Variants in FRK observed in about 807,000 individuals in gnomAD.
FRK encodes tyrosine-protein kinase FRK.
In FRK, 51 loss-of-function variants were observed where a neutral mutation model predicts 56.4. That is an observed-to-expected ratio of 0.90 (90% CI 0.72 to 1.14). The LOEUF (loss-of-function observed/expected upper bound fraction) is 1.14. Ranked by LOEUF, FRK falls within the 50% of genes most tolerant of loss-of-function variation. FRK has a pLI of 0.00. For missense variants in FRK, 570 were observed against 601.4 expected (o/e 0.95, Z 0.55); for synonymous variants, 245 against 217.9 (o/e 1.12, Z -1.10).
intron 1 of FRK, among the ~76,000 whole-genome samples, chr6:116,058,420 T>G (rs945318757): frequency 6.6e-6 from 1 of 152,174 alleles, no homozygotes; most frequent in Non-Finnish European, 1.5e-5. Context: ...GAAAAGAATC[T>G]CAAAACTCAA....
the FRK span, among the ~76,000 whole-genome samples, chr6:116,066,435 G>A: frequency 3.5e-5 from 5 of 142,916 alleles, no homozygotes; most frequent in Admixed American, 1.5e-4. Context: ...ATATATATAT[G>A]TGTGTGTGTG....
At chr6:116,024,274 T>C (rs1269213902) in intron 1 of FRK, among the ~76,000 whole-genome samples, 6 of 151,980 alleles carry the variant, frequency 3.9e-5, no homozygotes. Context: ...TTTTAATTAT[T>C]ATTATTATAC....
intron 2 of FRK, among the ~76,000 whole-genome samples, chr6:115,994,544 A>C (rs1197282060): frequency 6.6e-6 from 1 of 152,110 alleles, no homozygotes; most frequent in Non-Finnish European, 1.5e-5. Context: ...CCAGAAAAAG[A>C]GTGGATCTTC....
intron 1 of FRK, among the ~76,000 whole-genome samples, chr6:116,010,214 G>C (rs1007506474): frequency 7.0e-6 from 1 of 142,782 alleles, no homozygotes; most frequent in Non-Finnish European, 1.5e-5. Flanking sequence ...ATTCTGTCTC[G>C]AAAAAAAAAA....
intron 1 of FRK, among the ~76,000 whole-genome samples, chr6:116,054,555 A>C (rs1483682113): frequency 6.8e-6 from 1 of 146,200 alleles, no homozygotes; most frequent in Non-Finnish European, 1.5e-5. Flanking sequence ...GTATAATACT[A>C]TATTTTATAA....
intron 2 of FRK, among the ~76,000 whole-genome samples, chr6:115,976,817 T>C (rs1774007777): frequency 6.6e-6 from 1 of 152,128 alleles, no homozygotes; most frequent in Non-Finnish European, 1.5e-5. Flanking sequence ...TCACAAAGGA[T>C]GATAGATATT....
intron 1 of FRK, among the ~76,000 whole-genome samples, chr6:116,005,168 C>T (rs775321297): frequency 2.0e-5 from 3 of 152,100 alleles, no homozygotes; most frequent in Non-Finnish European, 4.4e-5. Context: ...GCAGGGTGTT[C>T]GTTTATCATT....
rs551148363 is a variant in FRK, at chr6:115,938,915, C to G, written c.*3499G>C. 4 of 152,070 alleles carry G rather than the reference C, an allele frequency of 2.6e-5. No homozygotes were observed. Among genetic ancestry groups the G allele is most frequent in the East Asian group, 1.9e-4 (1 of 5,158 alleles). The allele number at this position is 152,070 out of a possible 1,614,324, so 9.4% of individuals were successfully genotyped here. A position where few individuals can be genotyped will look rare whatever the true frequency, so the allele number is the denominator to read the frequency against. On this transcript the variant is annotated 3_prime_UTR_variant, in exon 8 of 8. Coordinates refer to ENST00000606080, the MANE Select transcript of FRK (RefSeq NM_002031.3). Reference sequence around the variant, plus strand: ...GGTACAAAGAGGTACAAAGCTAGTACTATTCTTTCTGAAACTATTCCAAAC... The same window carrying G: ...GGTACAAAGAGGTACAAAGCTAGTAGTATTCTTTCTGAAACTATTCCAAAC...
intron 1 of FRK, among the ~76,000 whole-genome samples, chr6:116,016,547 G>A (rs1775661967): frequency 1.3e-5 from 2 of 151,966 alleles, no homozygotes; most frequent in African/African-American, 4.8e-5. Context: ...GTGGATGGAT[G>A]TGTGTGTGTG....
intron 1 of FRK, among the ~76,000 whole-genome samples, chr6:116,033,303 A>G (rs988019096): frequency 6.6e-6 from 1 of 152,170 alleles, no homozygotes; most frequent in East Asian, 1.9e-4. Context: ...CAATATCCTC[A>G]GGATAAATGT....
intron 1 of FRK, among the ~76,000 whole-genome samples, chr6:116,024,279 T>C (rs1205698353): frequency 6.6e-6 from 1 of 152,124 alleles, no homozygotes; most frequent in East Asian, 1.9e-4. Context: ...ATTATTATTA[T>C]TATACTTTAA....
intron 5 of FRK, among the ~76,000 whole-genome samples, chr6:115,952,317 A>G (rs1026981260): frequency 5.3e-5 from 8 of 152,120 alleles, no homozygotes; most frequent in African/African-American, 1.9e-4. Context: ...TTAGGTCTAA[A>G]AAAATGCGCA....
chr6:115,999,830 G>A (rs1164095455), intron 2 of FRK, among the ~76,000 whole-genome samples: 1 of 152,080 alleles, frequency 6.6e-6, no homozygotes, highest in Non-Finnish European at 1.5e-5. Context: ...TTTTTCTCCT[G>A]TATAGCCTTC....
chr6:116,039,316 T>A, intron 1 of FRK: 1 of 1,427,518 alleles, frequency 7.0e-7, no homozygotes, highest in East Asian at 2.3e-5. Context: ...CGAGAAGTTC[T>A]GAGAATGGTG....
chr6:116,030,895 AG>A (rs1216937005), intron 1 of FRK, among the ~76,000 whole-genome samples: 2 of 152,154 alleles, frequency 1.3e-5, no homozygotes, highest in African/African-American at 4.8e-5. Context: ...TGGTATCTGC[AG>A]TAGAGGACAC....
At chr6:116,070,126 C>A in the FRK span, among the ~76,000 whole-genome samples, 1 of 146,262 alleles carries the variant, frequency 6.8e-6, no homozygotes. Flanking sequence ...AGGAAACAGC[C>A]CATTATTTAA....
intron 1 of FRK, among the ~76,000 whole-genome samples, chr6:116,035,605 A>C (rs75817697): frequency 0.014 from 2,099 of 152,230 alleles, 41 homozygotes; most frequent in African/African-American, 0.048. Flanking sequence ...TTTGGATTAA[A>C]TATAACCAAT....
At chr6:116,049,377 G>A (rs1416841420) in intron 1 of FRK, among the ~76,000 whole-genome samples, 1 of 152,158 alleles carries the variant, frequency 6.6e-6, no homozygotes, top group African/African-American at 2.4e-5. Flanking sequence ...AGCTTGGTAA[G>A]CATTGAGTAA....
At position 115,932,193 on chromosome 6, in the gene FRK, T is replaced by C. The variant is rs552328860; in HGVS notation, c.*10221A>G. On this transcript the variant is annotated 3_prime_UTR_variant, in exon 8 of 8. Transcript: ENST00000606080. The stretch of plus-strand genomic sequence containing the variant: ...TTATATACTACTTTGTTCTCCAGTA[T>C]ATTTCTAAATTTCATAAATAACTTG... The C allele has an allele frequency of 9.8e-5, 15 of 152,340 alleles. No individual in the cohort carries two copies. The highest frequency in any genetic ancestry group is 8.3e-4 in the South Asian group (4 of 4,832). The allele number at this position is 152,340 out of a possible 1,614,324, so 9.4% of individuals were successfully genotyped here.
Sources: allele counts gnomAD v4.1 joint callset (sites outside exome capture counted in the v4.1 genomes callset), GRCh38; gene constraint gnomAD v4.1.1; transcripts MANE v1.5; gene names NCBI Gene and HGNC (gene_info 2026-07-23, HGNC 2026-07-21).